Variants in HFM1 observed in about 807,000 individuals in gnomAD.
HFM1 encodes the protein helicase for meiosis 1.
HFM1 carries 169 observed loss-of-function variants against 192.1 expected under a neutral mutation model. The observed-to-expected ratio is 0.88, with a 90% CI of 0.78 to 1.00. The LOEUF (loss-of-function observed/expected upper bound fraction) is 1.00, where lower values mean the gene tolerates loss of function less well. Among genes scored for constraint, HFM1 ranks in the 50% least tolerant of loss-of-function variants. HFM1 has a pLI of 0.00. For synonymous variants in HFM1, 525 were observed against 537.8 expected (o/e 0.98, Z 0.33); for missense variants, 1,661 against 1,668.0 (o/e 1.00, Z 0.07).
rs201270242 is a variant in HFM1, at chr1:91,341,779, CA to C, written c.2335+1650del. On this transcript the variant is annotated intron_variant, in intron 20 of 38. Coordinates refer to ENST00000370425, the MANE Select transcript of HFM1 (RefSeq NM_001017975.6). ...TACGACCACCAATCTCACAGAAATA[CA>C]AAAAAAAAACCCAGAAACTGTTATG... Among the ~76,000 whole-genome samples, 276 of 145,388 alleles carry C rather than the reference CA, an allele frequency of 1.9e-3. 4 individuals carry two copies. The East Asian group carries it at 0.023, about 12-fold the overall frequency.
chr1:91,339,618 G>A (rs1181029180), intron 20 of HFM1, among the ~76,000 whole-genome samples: 2 of 151,914 alleles, frequency 1.3e-5, no homozygotes, highest in African/African-American at 4.8e-5. Flanking sequence ...AAAAAAGAAT[G>A]AACAAAACTT....
intron 18 of HFM1, among the ~76,000 whole-genome samples, chr1:91,350,188 T>C (rs944948302): frequency 6.6e-6 from 1 of 152,164 alleles, no homozygotes; most frequent in East Asian, 1.9e-4. Flanking sequence ...CCTCTGTACA[T>C]TAGAATGATA....
At chr1:91,327,161 G>T (rs185919918) in intron 20 of HFM1, among the ~76,000 whole-genome samples, 3 of 152,148 alleles carry the variant, frequency 2.0e-5, no homozygotes, top group African/African-American at 4.8e-5. Flanking sequence ...AATGGCAGGA[G>T]TAAGTTCCTA....
At chr1:91,355,052 A>AT (rs1187951146) in intron 13 of HFM1, among the ~76,000 whole-genome samples, 1 of 152,176 alleles carries the variant, frequency 6.6e-6, no homozygotes, top group East Asian at 1.9e-4. Flanking sequence ...GGAATACTGA[A>AT]TATAAAAAGA....
chr1:91,349,821 A>G (rs1656684933), intron 18 of HFM1, among the ~76,000 whole-genome samples: 1 of 152,236 alleles, frequency 6.6e-6, no homozygotes, highest in Non-Finnish European at 1.5e-5. Context: ...TTTCAGGGTA[A>G]TTTGTTAAAA....
intron 2 of HFM1, among the ~76,000 whole-genome samples, chr1:91,398,819 A>C (rs1002002395): frequency 6.6e-6 from 1 of 151,812 alleles, no homozygotes; most frequent in Non-Finnish European, 1.5e-5. Context: ...CAGCCTCCCC[A>C]GTAGCTGGGA....
chr1:91,321,975 G>C (rs898073513), intron 23 of HFM1, among the ~76,000 whole-genome samples: 1 of 152,168 alleles, frequency 6.6e-6, no homozygotes, highest in South Asian at 2.1e-4. Flanking sequence ...GTTCTAGATA[G>C]CAACATAACC....
At chr1:91,315,400 C>T (rs576695009) in intron 28 of HFM1, among the ~76,000 whole-genome samples, 35 of 152,222 alleles carry the variant, frequency 2.3e-4, no homozygotes, top group African/African-American at 7.9e-4. Flanking sequence ...GCTTTGTTTG[C>T]TTGGATCCTA....
At chr1:91,401,205 T>TG in intron 1 of HFM1, 96 bp from the exon 2 acceptor site, 1 of 613,366 alleles carries the variant, frequency 1.6e-6, no homozygotes, top group South Asian at 2.1e-5. Flanking sequence ...TCCTGTAAAA[T>TG]ATAACCACAG....
At chr1:91,396,219 A>C in intron 3 of HFM1, 74 bp downstream of exon 3, 1 of 660,338 alleles carries the variant, frequency 1.5e-6, no homozygotes, top group South Asian at 2.4e-5. Context: ...GTAACAATCA[A>C]ATCAGGGTTT....
chr1:91,288,316 C>A (rs538170957), intron 30 of HFM1, among the ~76,000 whole-genome samples: 2 of 151,470 alleles, frequency 1.3e-5, no homozygotes, highest in African/African-American at 4.9e-5. Context: ...GCAGATCTCC[C>A]GGCAGAAACT....
chr1:91,365,623 A>T (rs59078007), intron 13 of HFM1, among the ~76,000 whole-genome samples: 10,940 of 152,218 alleles, frequency 0.072, 526 homozygotes, highest in East Asian at 0.16. Context: ...ATATAAAAAC[A>T]TCTAGTATTT....
intron 1 of HFM1, among the ~76,000 whole-genome samples, chr1:91,401,362 A>G (rs1423227237): frequency 6.6e-6 from 1 of 152,182 alleles, no homozygotes; most frequent in Non-Finnish European, 1.5e-5. Flanking sequence ...GTTTTCTGCC[A>G]TTCTCCAACT....
Position 91,352,669 on chromosome 1 carries a change from A to C in HFM1, c.1832-18T>G. The C allele has an allele frequency of 6.4e-7, 1 of 1,553,208 alleles. No homozygotes were observed. Among genetic ancestry groups the C allele is most frequent in the Non-Finnish European group, 8.7e-7 (1 of 1,153,724 alleles). On this transcript the variant is annotated intron_variant, in intron 15 of 38. Coordinates refer to ENST00000370425, the MANE Select transcript of HFM1 (RefSeq NM_001017975.6). ...GGTAGTAACTGCATCAGATTAAGAC[A>C]TAGTAATTTTGAGCCATTTAACTTT...
intron 30 of HFM1, among the ~76,000 whole-genome samples, chr1:91,289,817 C>G (rs1198551579): frequency 6.6e-6 from 1 of 151,966 alleles, no homozygotes; most frequent in African/African-American, 2.4e-5. Context: ...GCAGCACAGT[C>G]CAGCCTCAGC....
intron 20 of HFM1, among the ~76,000 whole-genome samples, chr1:91,327,008 G>A (rs535865290): frequency 6.6e-6 from 1 of 152,212 alleles, no homozygotes; most frequent in East Asian, 1.9e-4. Flanking sequence ...ACCTCAAATT[G>A]AAAGACATAC....
rs150656752 is a variant in HFM1 at position 91,331,675 on chromosome 1, C to G, written c.2336-6909G>C. Among the ~76,000 whole-genome samples, 15 of 152,318 alleles carry G rather than the reference C, an allele frequency of 9.8e-5. No individual in the cohort carries two copies. The East Asian group carries it at 2.9e-3, about 29-fold the overall frequency. On this transcript the variant is annotated intron_variant, in intron 20 of 38. Transcript: ENST00000370425. ...TTTTGGAAGGCAAAGGCAGGCAGAT[C>G]ACTTCAGGTCAGGAGTTTGAGACTA...
intron 30 of HFM1, 39 bp from the exon 31 acceptor site, chr1:91,277,101 C>T (rs773478839): frequency 9.7e-7 from 1 of 1,026,944 alleles, no homozygotes; most frequent in Non-Finnish European, 1.5e-6. Context: ...TTTGTCACTA[C>T]ATTTATTATT....
chr1:91,296,214 C>G (rs1342219833), intron 30 of HFM1, among the ~76,000 whole-genome samples: 2 of 152,194 alleles, frequency 1.3e-5, no homozygotes, highest in Non-Finnish European at 2.9e-5. Flanking sequence ...CCACCGCGCC[C>G]AGACTGACAT....
Sources: gnomAD v4.1 joint callset for allele counts (sites outside exome capture counted in the v4.1 genomes callset) on GRCh38, gnomAD v4.1.1 for gene constraint, MANE v1.5 for transcripts, NCBI Gene and HGNC (gene_info 2026-07-23, HGNC 2026-07-21) for gene names.